Variants in GNAI1 observed in about 807,000 individuals in gnomAD.
GNAI1 encodes G protein subunit alpha i1.
In GNAI1, 11 loss-of-function variants were observed where a neutral mutation model predicts 38.9. The ratio of observed to expected loss-of-function variants is 0.28; its 90% confidence interval spans 0.18 to 0.47. The LOEUF (loss-of-function observed/expected upper bound fraction) is 0.47, where lower values mean the gene tolerates loss of function less well. GNAI1 is among the 20% of genes least tolerant of loss of function. GNAI1 has a pLI of 0.99. For synonymous variants in GNAI1, 166 were observed against 145.1 expected, an observed-to-expected ratio of 1.14 and a Z score of -1.04; for missense variants, 317 against 436.9, an observed-to-expected ratio of 0.73 and a Z score of 2.45.
chr7:80,164,174 A>T (rs1211918081), intron 1 of GNAI1, among the ~76,000 whole-genome samples: 1 of 147,970 alleles, frequency 6.8e-6, no homozygotes, highest in African/African-American at 2.5e-5. Flanking sequence ...CCTCCCAAGT[A>T]GCTGGGACTA....
chr7:80,221,627 G>GC lies in GNAI1; in HGVS notation c.*4134_*4135insC, dbSNP rs1292134883. On this transcript the variant is annotated 3_prime_UTR_variant, in exon 8 of 8. Transcript: ENST00000649796. ...AGAGTTTATATTTTAATGTTAGGTT[G>GC]GAAATTTTCTTTTTTTTTTTTTTTT... is the stretch of plus-strand genomic sequence containing the variant. Among the ~76,000 whole-genome samples the GC allele has an allele frequency of 4.6e-5, 5 of 107,914 alleles. No individual in the cohort carries two copies. Among genetic ancestry groups the GC allele is most frequent in the Non-Finnish European group, 8.9e-5 (5 of 56,072 alleles). 70.8% of individuals were successfully genotyped at this position (107,914 alleles called of 152,430 possible).
chr7:80,178,597 A>C lies in GNAI1; in HGVS notation c.119-10354A>C, dbSNP rs74543132. Among the ~76,000 whole-genome samples the C allele has an allele frequency of 1.9e-3, 290 of 152,320 alleles. 1 individual carries two copies. Among genetic ancestry groups the C allele is most frequent in the African/African-American group, 6.5e-3 (269 of 41,574 alleles). ...CTCGCTGAAGGGTCAGATGATTGTT[A>C]ACATTTTTTAGTAATAAAGTATTTT... On this transcript the variant is annotated intron_variant, in intron 1 of 7. Transcript: ENST00000649796.
chr7:80,143,763 T>C (rs1787567726), intron 1 of GNAI1, among the ~76,000 whole-genome samples: 1 of 152,154 alleles, frequency 6.6e-6, no homozygotes, highest in Admixed American at 6.6e-5. Flanking sequence ...CTTAGAATAC[T>C]ACATGGTACA....
At position 80,139,516 on chromosome 7, in the gene GNAI1, C is replaced by A. The variant is rs188462522; in HGVS notation, c.118+4238C>A. ...TTATCCTTCTGCCCAGCCTATTTTC[C>A]TACTGCTGTGGGCACTTTAAAGGCA... On this transcript the variant is annotated intron_variant, in intron 1 of 7. Transcript: ENST00000649796. Among the ~76,000 whole-genome samples the A allele has an allele frequency of 3.8e-4, 58 of 152,274 alleles. 1 individual carries two copies. The East Asian group carries it at 0.011, about 28-fold the overall frequency.
rs1200533182 is a variant in GNAI1, at chr7:80,223,448, A to G, written c.*5955A>G. 6.6e-6 allele frequency among the ~76,000 whole-genome samples: 1 copy of G among 152,096 alleles called. No individual in the cohort carries two copies. Among genetic ancestry groups the G allele is most frequent in the Non-Finnish European group, 1.5e-5 (1 of 68,016 alleles). On this transcript the variant is annotated 3_prime_UTR_variant, in exon 8 of 8. Coordinates refer to ENST00000649796, the MANE Select transcript of GNAI1 (RefSeq NM_002069.6). ...TATTACCTTGGATTTTCTGTTGTGCACTCTTGAATTTTAATTATGTTCTGT... is the reference window on the plus strand; with the variant it reads ...TATTACCTTGGATTTTCTGTTGTGCGCTCTTGAATTTTAATTATGTTCTGT...
intron 1 of GNAI1, among the ~76,000 whole-genome samples, chr7:80,169,848 A>G (rs1788071904): frequency 6.6e-6 from 1 of 151,976 alleles, no homozygotes; most frequent in Non-Finnish European, 1.5e-5. Flanking sequence ...CAAAACCCAC[A>G]CCCTTACTCA....
chr7:80,212,989 G>A (rs546050917), intron 7 of GNAI1, 120 bp downstream of exon 7: 1 of 649,734 alleles, frequency 1.5e-6, no homozygotes, highest in African/African-American at 1.9e-5. Flanking sequence ...AGACCTTTAA[G>A]GGGTATTATT....
chr7:80,211,751 C>T lies in GNAI1; in HGVS notation c.720+653C>T, dbSNP rs116330448. ...CTTTAATATATGTTATGCTTTGTTG[C>T]TGCCCTGTAATTTTCAGATAGGTTT... On this transcript the variant is annotated intron_variant, in intron 6 of 7. Transcript: ENST00000649796. Among the ~76,000 whole-genome samples, 598 of 152,184 alleles carry T rather than the reference C, an allele frequency of 3.9e-3. 5 individuals carry two copies. The highest frequency in any genetic ancestry group is 0.013 in the African/African-American group (558 of 41,522).
rs71518972 is a variant in GNAI1 at position 80,175,364 on chromosome 7, A to ATGTGTGTGTGTGTGTG, written c.119-13581_119-13566dup. On this transcript the variant is annotated intron_variant, in intron 1 of 7. Coordinates refer to ENST00000649796, the MANE Select transcript of GNAI1 (RefSeq NM_002069.6). ...TTAAAAAATATATATGTGTATATTT[A>ATGTGTGTGTGTGTGTG]TGTGTGTGTGTGTGTGTGTGTATAA... is the stretch of plus-strand genomic sequence containing the variant. Among the ~76,000 whole-genome samples the ATGTGTGTGTGTGTGTG allele has an allele frequency of 9.3e-3, 1,397 of 150,478 alleles. 5 individuals carry two copies. The highest frequency in any genetic ancestry group is 0.014 in the Non-Finnish European group (945 of 67,510).
At chr7:80,162,186 A>G (rs1787936206) in intron 1 of GNAI1, among the ~76,000 whole-genome samples, 1 of 152,156 alleles carries the variant, frequency 6.6e-6, no homozygotes, top group South Asian at 2.1e-4. Flanking sequence ...AACCAGGAAG[A>G]GGGCCCTCAC....
At chr7:80,150,055 A>G (rs528721838) in intron 1 of GNAI1, among the ~76,000 whole-genome samples, 5 of 152,270 alleles carry the variant, frequency 3.3e-5, no homozygotes, top group South Asian at 4.1e-4. Context: ...GACAATACCA[A>G]ATGTTGACTT....
At chr7:80,183,113 A>G (rs1436498588) in intron 1 of GNAI1, among the ~76,000 whole-genome samples, 1 of 152,192 alleles carries the variant, frequency 6.6e-6, no homozygotes, top group African/African-American at 2.4e-5. Flanking sequence ...AAGCTGGCAG[A>G]AGGCCTATTT....
chr7:80,149,354 T>TA (rs931797382), intron 1 of GNAI1, among the ~76,000 whole-genome samples: 4 of 152,212 alleles, frequency 2.6e-5, no homozygotes, highest in African/African-American at 9.6e-5. Context: ...TATTCCTAAT[T>TA]ATTTGCTTAA....
intron 7 of GNAI1, among the ~76,000 whole-genome samples, chr7:80,215,521 C>G (rs1211040437): frequency 2.0e-5 from 3 of 152,032 alleles, no homozygotes; most frequent in African/African-American, 2.4e-5. Flanking sequence ...CTTTTTATCC[C>G]TAATAAAAAT....
At chr7:80,163,343 T>C (rs575729265) in intron 1 of GNAI1, among the ~76,000 whole-genome samples, 2 of 152,066 alleles carry the variant, frequency 1.3e-5, no homozygotes, top group East Asian at 1.9e-4. Flanking sequence ...CAAATGCAGG[T>C]GTCTTCTGAA....
At chr7:80,190,072 G>C (rs960453581) in intron 3 of GNAI1, among the ~76,000 whole-genome samples, 1 of 151,322 alleles carries the variant, frequency 6.6e-6, no homozygotes, top group Non-Finnish European at 1.5e-5. Context: ...TATACATACT[G>C]TCTTCCTACT....
At chr7:80,167,223 T>C (rs1460795458) in intron 1 of GNAI1, among the ~76,000 whole-genome samples, 1 of 152,240 alleles carries the variant, frequency 6.6e-6, no homozygotes, top group Non-Finnish European at 1.5e-5. Flanking sequence ...ACACTGCACA[T>C]GGATGCATGG....
intron 3 of GNAI1, among the ~76,000 whole-genome samples, chr7:80,193,217 A>G (rs180950271): frequency 5.9e-4 from 90 of 152,094 alleles, no homozygotes; most frequent in Non-Finnish European, 8.4e-4. Flanking sequence ...TTCCCCCACA[A>G]CCCTGTTGAA....
intron 6 of GNAI1, 90 bp from the exon 7 acceptor site, chr7:80,212,626 C>G (rs1409694666): frequency 2.8e-6 from 2 of 707,396 alleles, no homozygotes; most frequent in South Asian, 2.8e-5. Flanking sequence ...TCACTAAACT[C>G]TGTTTTATTA....
Sources: allele counts gnomAD v4.1 joint callset (sites outside exome capture counted in the v4.1 genomes callset), GRCh38; gene constraint gnomAD v4.1.1; transcripts MANE v1.5; gene names NCBI Gene and HGNC (gene_info 2026-07-23, HGNC 2026-07-21).